Variants in MYRIP observed in about 807,000 individuals in gnomAD.
MYRIP encodes the protein myosin VIIA and Rab interacting protein, also known as rab effector MyRIP.
MYRIP carries 49 observed loss-of-function variants against 98.0 expected under a neutral mutation model. That is an observed-to-expected ratio of 0.50 (90% CI 0.40 to 0.63). MYRIP has a LOEUF of 0.63. Ranked by LOEUF, MYRIP falls within the 30% of genes least tolerant of loss-of-function variation. The probability of loss-of-function intolerance (pLI) is 0.00; values close to 1 mark genes in which losing one functional copy is unlikely to be tolerated. For missense variants in MYRIP, 1,004 were observed against 1,058.2 expected, an observed-to-expected ratio of 0.95 and a Z score of 0.71; for synonymous variants, 404 against 409.5, an observed-to-expected ratio of 0.99 and a Z score of 0.16.
intron 10 of MYRIP, chr3:40,209,291 G>T (rs1951858994): frequency 6.5e-6 from 1 of 152,762 alleles, no homozygotes; most frequent in Non-Finnish European, 1.5e-5. Flanking sequence ...GCAACACAAT[G>T]AGACCCTGTC....
intron 3 of MYRIP, among the ~76,000 whole-genome samples, chr3:40,126,789 AGAGT>A (rs1949534641): frequency 6.6e-6 from 1 of 152,220 alleles, no homozygotes; most frequent in Non-Finnish European, 1.5e-5. Flanking sequence ...ATAATTCCTA[AGAGT>A]TGAGTCTCAC....
chr3:40,228,217 C>A (rs754441176), intron 11 of MYRIP, among the ~76,000 whole-genome samples: 2 of 152,200 alleles, frequency 1.3e-5, no homozygotes, highest in Non-Finnish European at 2.9e-5. Flanking sequence ...GGCTCCAGAT[C>A]AGCAAGACAA....
chr3:40,067,298 T>A (rs1003515841), intron 3 of MYRIP, among the ~76,000 whole-genome samples: 3 of 152,162 alleles, frequency 2.0e-5, no homozygotes, highest in Non-Finnish European at 2.9e-5. Context: ...GAGCAAAGGC[T>A]GTGTGCAGTT....
In MYRIP at chr3:39,900,847, A is replaced by C. The variant is rs1943722637; in HGVS notation, c.31A>C (p.Thr11Pro). Residue 11 changes from threonine (T) to proline (P), a missense_variant, in exon 2 of 17, where the codon ACT becomes CCT. Transcript: ENST00000302541. MGRKLDLSGLTDDETEHVLQV... is the reference protein window; with the variant it reads MGRKLDLSGLPDDETEHVLQV... ...GAGGAAGCTGGACCTGTCTGGTTTG[A>C]CTGATGATGAAACAGAGCATGTTCT... The C allele has an allele frequency of 1.2e-6, 2 of 1,613,836 alleles. No individual in the cohort carries two copies. Among genetic ancestry groups the C allele is most frequent in the East Asian group, 4.5e-5 (2 of 44,876 alleles).
chr3:40,120,611 A>G (rs916589824), intron 3 of MYRIP, among the ~76,000 whole-genome samples: 5 of 152,132 alleles, frequency 3.3e-5, no homozygotes, highest in African/African-American at 1.2e-4. Context: ...AAGACTACAC[A>G]CTGACTGATA....
At chr3:39,836,764 T>C (rs1431855465) in intron 1 of MYRIP, among the ~76,000 whole-genome samples, 1 of 152,190 alleles carries the variant, frequency 6.6e-6, no homozygotes, top group East Asian at 1.9e-4. Context: ...TAGTATAGAA[T>C]TAACAACAGA....
intron 3 of MYRIP, among the ~76,000 whole-genome samples, chr3:40,091,346 C>A (rs1948733557): frequency 7.2e-6 from 1 of 138,224 alleles, no homozygotes; most frequent in African/African-American, 2.6e-5. Flanking sequence ...CTGGGATTAT[C>A]CCCAGCTGAG....
intron 2 of MYRIP, among the ~76,000 whole-genome samples, chr3:39,921,651 TG>T (rs762407337): frequency 3.9e-4 from 60 of 152,108 alleles, no homozygotes; most frequent in Middle Eastern, 3.4e-3. Flanking sequence ...GTGGCTGAGG[TG>T]GGTGGATCAC....
rs866256486 is a variant in MYRIP at position 40,204,197 on chromosome 3, A to G, written c.1666-5657A>G. 5.0e-3 allele frequency among the ~76,000 whole-genome samples: 155 copies of G among 31,260 alleles called. 13 individuals are homozygous for G. Among genetic ancestry groups the G allele is most frequent in the East Asian group, 0.016 (17 of 1,048 alleles). 20.5% of individuals were successfully genotyped at this position (31,260 alleles called of 152,430 possible). A position where few individuals can be genotyped will look rare whatever the true frequency, so the allele number is the denominator to read the frequency against. ...ATATATTATATAATATATAAATATTATATTATATATTTATATATTATATAT... is the reference window on the plus strand; with the variant it reads ...ATATATTATATAATATATAAATATTGTATTATATATTTATATATTATATAT... On this transcript the variant is annotated intron_variant, in intron 10 of 16. Transcript: ENST00000302541.
chr3:40,081,860 T>C (rs1948486414), intron 3 of MYRIP, among the ~76,000 whole-genome samples: 1 of 152,184 alleles, frequency 6.6e-6, no homozygotes, highest in Non-Finnish European at 1.5e-5. Context: ...TAACCACCAT[T>C]CTACTCTCTG....
chr3:39,995,728 T>A (rs887884517), intron 2 of MYRIP, among the ~76,000 whole-genome samples: 2 of 151,988 alleles, frequency 1.3e-5, no homozygotes, highest in African/African-American at 2.4e-5. Flanking sequence ...CCAAGACACA[T>A]AATTGTCAGA....
intron 1 of MYRIP, among the ~76,000 whole-genome samples, chr3:39,822,868 C>CT (rs35751546): frequency 0.26 from 38,789 of 146,686 alleles, 5,212 homozygotes; most frequent in African/African-American, 0.35. Flanking sequence ...GGATTTGATT[C>CT]TTTTTTTTTT....
At chr3:40,002,082 G>A (rs1946531312) in intron 2 of MYRIP, among the ~76,000 whole-genome samples, 1 of 152,200 alleles carries the variant, frequency 6.6e-6, no homozygotes, top group Non-Finnish European at 1.5e-5. Flanking sequence ...AAGGGTGCAA[G>A]TTGTGCCTTA....
intron 2 of MYRIP, among the ~76,000 whole-genome samples, chr3:39,922,830 C>G (rs921105598): frequency 6.6e-6 from 1 of 152,124 alleles, no homozygotes; most frequent in African/African-American, 2.4e-5. Flanking sequence ...CCTGGAACAT[C>G]TCAAACTGAA....
intron 10 of MYRIP, among the ~76,000 whole-genome samples, chr3:40,203,243 T>G: frequency 6.6e-6 from 1 of 152,136 alleles, no homozygotes; most frequent in East Asian, 1.9e-4. Context: ...CTCCATTTAT[T>G]TCTATCCTTG....
At chr3:39,923,027 A>G (rs1375920029) in intron 2 of MYRIP, among the ~76,000 whole-genome samples, 1 of 152,218 alleles carries the variant, frequency 6.6e-6, no homozygotes, top group Non-Finnish European at 1.5e-5. Flanking sequence ...AATAAAGGAT[A>G]TAAAGAAGAA....
intron 3 of MYRIP, among the ~76,000 whole-genome samples, chr3:40,146,291 T>G (rs1181340316): frequency 6.6e-6 from 1 of 152,126 alleles, no homozygotes; most frequent in East Asian, 1.9e-4. Flanking sequence ...CTGAATGAAG[T>G]GTCGGATTGA....
At chr3:40,028,043 A>G (rs1947175208) in intron 2 of MYRIP, among the ~76,000 whole-genome samples, 1 of 152,160 alleles carries the variant, frequency 6.6e-6, no homozygotes, top group Non-Finnish European at 1.5e-5. Flanking sequence ...GAGTTGAAGG[A>G]TAGCAAACAA....
intron 3 of MYRIP, among the ~76,000 whole-genome samples, chr3:40,123,250 T>C (rs1233248333): frequency 6.6e-6 from 1 of 152,206 alleles, no homozygotes; most frequent in East Asian, 1.9e-4. Context: ...AATTTGGAAG[T>C]GGTCTTAAGG....
Sources: allele counts gnomAD v4.1 joint callset (sites outside exome capture counted in the v4.1 genomes callset), GRCh38; gene constraint gnomAD v4.1.1; transcripts MANE v1.5; gene names NCBI Gene and HGNC (gene_info 2026-07-23, HGNC 2026-07-21).